The following MRC2 variants were observed in gnomAD, a reference collection of about 807,000 sequenced individuals.
The protein encoded by MRC2 is C-type mannose receptor 2.
Under a neutral mutation model 206.2 loss-of-function variants are expected in MRC2, and 84 were observed. The observed-to-expected ratio is 0.41, with a 90% confidence interval of 0.34 to 0.49. MRC2 has a LOEUF of 0.49. Ranked by LOEUF, MRC2 falls within the 20% of genes least tolerant of loss-of-function variation. MRC2 has a pLI of 0.31. For synonymous variants in MRC2, 798 were observed against 800.0 expected, an observed-to-expected ratio of 1.00 and a Z score of 0.04; for missense variants, 1,676 against 2,001.5, an observed-to-expected ratio of 0.84 and a Z score of 3.10.
chr17:62,674,967 G>C (rs1370401402), intron 9 of MRC2, among the ~76,000 whole-genome samples: 3 of 152,150 alleles, frequency 2.0e-5, no homozygotes, highest in Admixed American at 2.0e-4. Context: ...GCCTCCCCCA[G>C]AAAATGAGCA....
intron 1 of MRC2, chr17:62,661,864 T>G (rs1380258201): frequency 6.6e-6 from 1 of 152,256 alleles, no homozygotes; most frequent in Non-Finnish European, 1.5e-5. Context: ...AAAAAAGTTC[T>G]TATGCTATTG....
chr17:62,629,870 G>A (rs1334609395), intron 1 of MRC2, among the ~76,000 whole-genome samples: 1 of 152,256 alleles, frequency 6.6e-6, no homozygotes, highest in African/African-American at 2.4e-5. Flanking sequence ...CTTATGCCAG[G>A]CAGGGCAGGG....
Position 62,664,749 on chromosome 17 carries a change from T to C in MRC2, c.320T>C (p.Leu107Pro). Residue 107 changes from leucine to proline, a missense_variant, in exon 2 of 30, where the codon CTG (leucine) becomes CCG (proline). Leu to Pro is a moderately conservative substitution (Grantham distance 98). Coordinates refer to ENST00000303375, the MANE Select transcript of MRC2 (RefSeq NM_006039.5). This position sits in a 1 kb window ranked among gnomAD's most constrained non-coding sequence, Gnocchi z 4.7. The stretch of plus-strand genomic sequence containing the variant: ...CCAGGCACCAACACCACGGCCTCCC[T>C]GGGCATGTATGAGTGTGACCGGGAA... ...GWPGTNTTAS[L>P]GMYECDREAL... The C allele has an allele frequency of 1.9e-6, 3 of 1,613,986 alleles. No individual in the cohort carries two copies. The highest frequency in any genetic ancestry group is 1.3e-5 in the African/African-American group (1 of 75,060).
At chr17:62,662,433 C>T (rs1348928347) in intron 1 of MRC2, among the ~76,000 whole-genome samples, 1 of 152,140 alleles carries the variant, frequency 6.6e-6, no homozygotes, top group East Asian at 1.9e-4. Flanking sequence ...CACCCTCAGC[C>T]AATTTCTTTA....
At chr17:62,661,206 T>C (rs912554403) in intron 1 of MRC2, among the ~76,000 whole-genome samples, 1 of 152,184 alleles carries the variant, frequency 6.6e-6, no homozygotes, top group Admixed American at 6.5e-5. Context: ...GACCAGATCA[T>C]GTTAAATTGT....
Position 62,653,351 on chromosome 17 carries a change from A to T in MRC2, c.119-11197A>T, listed in dbSNP as rs978759337. On this transcript the variant is annotated intron_variant, in intron 1 of 29. Transcript: ENST00000303375. ...CCAGGGGCGGGGCTAGCTTCCACTC[A>T]GCCCGCATTACCCCCACCCCCGCCC... 1.1e-4 allele frequency among the ~76,000 whole-genome samples: 17 copies of T among 152,048 alleles called. No homozygotes were observed. In the East Asian group the frequency reaches 3.1e-3, roughly 28 times the overall value.
chr17:62,644,624 G>T (rs1598969972), intron 1 of MRC2, among the ~76,000 whole-genome samples: 1 of 152,136 alleles, frequency 6.6e-6, no homozygotes, highest in Admixed American at 6.6e-5. Flanking sequence ...AGTCAGTCAC[G>T]TGACCCCAGC....
intron 1 of MRC2, among the ~76,000 whole-genome samples, chr17:62,656,752 T>C (rs1049705870): frequency 1.3e-5 from 2 of 152,042 alleles, no homozygotes; most frequent in African/African-American, 4.8e-5. Context: ...ACAAGCTAAT[T>C]AAAAAAGGAA....
chr17:62,680,826 G>A lies in MRC2; in HGVS notation c.2500G>A (p.Glu834Lys). The change falls in exon 17 of 30, where the codon GAG becomes AAG. Residue 834 changes from glutamate (E) to lysine (K), a missense_variant. Physicochemically the swap from Glu to Lys is moderately conservative, Grantham distance 56. Around this residue, in one of 3 missense-constraint regions of MRC2, gnomAD observed 1,354 missense variants for 1,636.6 expected, o/e 0.83. Coordinates refer to ENST00000303375, the MANE Select transcript of MRC2 (RefSeq NM_006039.5). The surrounding 1 kb of genome is among the most constrained non-coding windows in gnomAD (Gnocchi z 4.8). Reference sequence around the variant, plus strand: ...CCGACGGGAATGGCTGCGCTTCCAGGAGGCCGAGTACAAGTTCTTTGAGCA... The same window carrying A: ...CCGACGGGAATGGCTGCGCTTCCAGAAGGCCGAGTACAAGTTCTTTGAGCA... ...QGRREWLRFQ[E>K]AEYKFFEHHS... 2.5e-6 allele frequency: 4 copies of A among 1,612,248 alleles called. No individual in the cohort carries two copies. Among genetic ancestry groups the A allele is most frequent in the Non-Finnish European group, 3.4e-6 (4 of 1,179,532 alleles).
chr17:62,635,059 G>C (rs1165027567), intron 1 of MRC2, among the ~76,000 whole-genome samples: 1 of 151,634 alleles, frequency 6.6e-6, no homozygotes, highest in Non-Finnish European at 1.5e-5. Flanking sequence ...TTGAACTCCT[G>C]ACCTCAGGCG....
At position 62,689,680 on chromosome 17, in the gene MRC2, G is replaced by A. The variant is rs530718693; in HGVS notation, c.3493G>A (p.Asp1165Asn). The change falls in exon 24 of 30, where the codon GAC becomes AAC. Residue 1165 changes from aspartate to asparagine, a missense_variant. Around this residue, in one of 3 missense-constraint regions of MRC2, gnomAD observed 1,354 missense variants for 1,636.6 expected, o/e 0.83. Transcript: ENST00000303375. ...SRNASLAYVP[D>N]PYTQAFLTQA... ...CAATGCCAGCCTGGCCTACGTGCCC[G>A]ACCCCTACACCCAGGCCTTCCTCAC... 1.5e-5 allele frequency: 24 copies of A among 1,586,678 alleles called. No homozygotes were observed. The highest frequency in any genetic ancestry group is 2.3e-5 in the East Asian group (1 of 43,992).
At chr17:62,688,695 C>T (rs757544409) in intron 22 of MRC2, 31 bp downstream of exon 22, 2 of 1,609,106 alleles carry the variant, frequency 1.2e-6, no homozygotes, top group South Asian at 1.1e-5. Context: ...CCCCTCCGCA[C>T]CGCGCTGCCC....
At chr17:62,635,136 G>GTT (rs112574606) in intron 1 of MRC2, among the ~76,000 whole-genome samples, 75 of 117,522 alleles carry the variant, frequency 6.4e-4, no homozygotes, top group African/African-American at 2.2e-3. Flanking sequence ...CAGCCCCATT[G>GTT]TTTTTTTTTT....
rs199708648 is a variant in MRC2, at chr17:62,677,277, C to T, written c.1843C>T (p.Arg615Cys). The T allele has an allele frequency of 1.4e-5, 23 of 1,601,212 alleles. No individual in the cohort carries two copies. Among genetic ancestry groups the T allele is most frequent in the South Asian group, 2.2e-5 (2 of 89,106 alleles). Residue 615 changes from arginine (R) to cysteine (C), a missense_variant, in exon 12 of 30, where the codon CGT (arginine) becomes TGT (cysteine). Coordinates refer to ENST00000303375, the MANE Select transcript of MRC2 (RefSeq NM_006039.5). ...HWNRDQPGYS[R>C]GGCVALATGS... ...CCTTCCCTCTCCTTCAGGGTACAGC[C>T]GTGGGGGCTGCGTGGCGCTGGCCAC...
At position 62,667,539 on chromosome 17, in the gene MRC2, C is replaced by T; in HGVS notation, c.1117+6C>T. 1 of 1,607,964 alleles carries T rather than the reference C, an allele frequency of 6.2e-7. No individual in the cohort carries two copies. Among genetic ancestry groups the T allele is most frequent in the Non-Finnish European group, 8.5e-7 (1 of 1,178,652 alleles). On this transcript the variant is annotated splice_donor_region_variant and intron_variant, in intron 6 of 29. Coordinates refer to ENST00000303375, the MANE Select transcript of MRC2 (RefSeq NM_006039.5). The surrounding 1 kb of genome is among the most constrained non-coding windows in gnomAD (Gnocchi z 4.1). Reference sequence around the variant, plus strand: ...GGCCGAGCCCACCCCTCCAGGTGAGCCAGGGACTGTGCCGCAGGGTGGGGA... The same window carrying T: ...GGCCGAGCCCACCCCTCCAGGTGAGTCAGGGACTGTGCCGCAGGGTGGGGA...
In MRC2 at chr17:62,666,999, C is replaced by T; in HGVS notation, c.973+129C>T. The T allele has an allele frequency of 1.3e-6, 1 of 748,688 alleles. No individual in the cohort carries two copies. The highest frequency in any genetic ancestry group is 2.7e-5 in the East Asian group (1 of 37,030). 46.4% of individuals were successfully genotyped at this position (748,688 alleles called of 1,614,324 possible). A position where few individuals can be genotyped will look rare whatever the true frequency, so the allele number is the denominator to read the frequency against. ...GTAGGGGAAGCACCGACCTCCACCCCCCTCCCCAGACTGCGCCCCCCTAGC... is the reference window on the plus strand; with the variant it reads ...GTAGGGGAAGCACCGACCTCCACCCTCCTCCCCAGACTGCGCCCCCCTAGC... On this transcript the variant is annotated intron_variant, in intron 5 of 29. Coordinates refer to ENST00000303375, the MANE Select transcript of MRC2 (RefSeq NM_006039.5). This position sits in a 1 kb window ranked among gnomAD's most constrained non-coding sequence, Gnocchi z 5.0.
At chr17:62,678,948 C>A (rs570347938) in intron 13 of MRC2, among the ~76,000 whole-genome samples, 1 of 152,262 alleles carries the variant, frequency 6.6e-6, no homozygotes, top group Admixed American at 6.5e-5. Context: ...TATGTACCCC[C>A]CACCCCATTG....
In MRC2 at chr17:62,680,483, C is replaced by G. The variant is rs376525312; in HGVS notation, c.2473+30C>G. The stretch of plus-strand genomic sequence containing the variant: ...GCACCCCCCAGCCCATCCCGCTACC[C>G]ATCGCGTGGGAGAGGGCGTCAACTC... On this transcript the variant is annotated intron_variant, in intron 16 of 29. Transcript: ENST00000303375. This position sits in a 1 kb window ranked among gnomAD's most constrained non-coding sequence, Gnocchi z 4.8. 2 of 1,613,520 alleles carry G rather than the reference C, an allele frequency of 1.2e-6. No homozygotes were observed. Among genetic ancestry groups the G allele is most frequent in the Non-Finnish European group, 1.7e-6 (2 of 1,179,756 alleles).
At position 62,688,325 on chromosome 17, in the gene MRC2, G is replaced by A. The variant is rs1272838522; in HGVS notation, c.2983G>A (p.Val995Met). 4 of 1,614,200 alleles carry A rather than the reference G, an allele frequency of 2.5e-6. No homozygotes were observed. The highest frequency in any genetic ancestry group is 3.4e-6 in the Non-Finnish European group (4 of 1,180,042). ...CCAGGGCCAGGAACCCCAGAGCCGGGTGAAGTGGTCAGAGGCACAGTTCTC... is the reference window on the plus strand; with the variant it reads ...CCAGGGCCAGGAACCCCAGAGCCGGATGAAGTGGTCAGAGGCACAGTTCTC... Reference protein sequence around the residue: ...QVQGQEPQSRVKWSEAQFSCE... With the variant: ...QVQGQEPQSRMKWSEAQFSCE... Residue 995 changes from valine to methionine, a missense_variant, in exon 21 of 30, where the codon GTG becomes ATG. Val to Met is a conservative substitution (Grantham distance 21). This residue lies in a region of MRC2 where 1,354 missense variants were observed against 1,636.6 expected (regional missense o/e 0.83). Coordinates refer to ENST00000303375, the MANE Select transcript of MRC2 (RefSeq NM_006039.5).
Sources: gnomAD v4.1 joint callset for allele counts (sites outside exome capture counted in the v4.1 genomes callset) on GRCh38, gnomAD v4.1.1 for gene constraint, gnomAD v4.1.1 regional missense constraint, Gnocchi (gnomAD v3.1) non-coding constraint, MANE v1.5 for transcripts, NCBI Gene and HGNC (gene_info 2026-07-23, HGNC 2026-07-21) for gene names.